CATSPER3: variants seen among roughly 807,000 people sequenced by gnomAD.
CATSPER3 encodes cation channel sperm associated 3, also known as cation channel sperm-associated protein 3.
CATSPER3 carries 23 observed loss-of-function variants against 36.6 expected under a neutral mutation model. The observed-to-expected ratio is 0.63, with a 90% CI of 0.45 to 0.89. The LOEUF (loss-of-function observed/expected upper bound fraction) is 0.89, where lower values mean the gene tolerates loss of function less well. Among genes scored for constraint, CATSPER3 ranks in the 40% least tolerant of loss-of-function variants. The pLI is 0.00. For missense variants in CATSPER3, 474 were observed against 503.9 expected (o/e 0.94, Z 0.57); for synonymous variants, 172 against 184.1 (o/e 0.93, Z 0.53).
chr5:134,993,892 A>G (rs536163988), intron 2 of CATSPER3, among the ~76,000 whole-genome samples: 1 of 152,342 alleles, frequency 6.6e-6, no homozygotes, highest in Admixed American at 6.5e-5. Context: ...TGGGAGGCCA[A>G]TGCGGGCAGA....
chr5:135,010,028 G>A (rs1243778318), intron 6 of CATSPER3, among the ~76,000 whole-genome samples: 1 of 152,204 alleles, frequency 6.6e-6, no homozygotes, highest in Non-Finnish European at 1.5e-5. Flanking sequence ...AGCTTTGGGT[G>A]CTCTGCTGGG....
chr5:134,973,626 C>T (rs1355916445), intron 2 of CATSPER3, among the ~76,000 whole-genome samples: 1 of 152,078 alleles, frequency 6.6e-6, no homozygotes, highest in Admixed American at 6.5e-5. Context: ...GGGGTCATGT[C>T]AAAAGTCTCA....
At chr5:134,971,559 A>C (rs528110304) in intron 2 of CATSPER3, among the ~76,000 whole-genome samples, 1 of 152,290 alleles carries the variant, frequency 6.6e-6, no homozygotes, top group African/African-American at 2.4e-5. Context: ...AAAGAAACAG[A>C]GGGAAGCCAT....
chr5:134,971,002 T>C (rs889429862), intron 2 of CATSPER3, among the ~76,000 whole-genome samples: 35 of 151,914 alleles, frequency 2.3e-4, no homozygotes, highest in African/African-American at 7.5e-4. Flanking sequence ...CAGGCTGGAG[T>C]GCAGTGGCGC....
chr5:134,996,246 C>A (rs372004625), intron 2 of CATSPER3, 27 bp from the exon 3 acceptor site: 2 of 1,614,038 alleles, frequency 1.2e-6, no homozygotes, highest in Non-Finnish European at 1.7e-6. Context: ...CTCGATCTGA[C>A]TTCTCCAACC....
chr5:134,978,171 A>G (rs955179949), intron 2 of CATSPER3, among the ~76,000 whole-genome samples: 1 of 152,182 alleles, frequency 6.6e-6, no homozygotes, highest in Non-Finnish European at 1.5e-5. Flanking sequence ...GGGGAAGGAG[A>G]GGAGCAGAGG....
At chr5:134,977,711 C>T (rs905021332) in intron 2 of CATSPER3, among the ~76,000 whole-genome samples, 6 of 152,132 alleles carry the variant, frequency 3.9e-5, no homozygotes, top group African/African-American at 1.4e-4. Flanking sequence ...TACCATTTTC[C>T]CATATTAGTT....
At chr5:134,977,116 C>G (rs998037819) in intron 2 of CATSPER3, among the ~76,000 whole-genome samples, 5 of 152,340 alleles carry the variant, frequency 3.3e-5, no homozygotes, top group Non-Finnish European at 7.3e-5. Flanking sequence ...AGCTCCCTTT[C>G]AGTCATGCTA....
chr5:134,970,090 G>C lies in CATSPER3; in HGVS notation c.250G>C (p.Glu84Gln). ...DIRYRLFRLL[E>Q]FSEIFFVSIC... ...AAGGTACCGCTTGTTCAGACTTCTT[G>C]AGGTAAGCAGACAAAATGGGTCCAT... is the stretch of plus-strand genomic sequence containing the variant. The change falls in exon 2 of 8, where the codon GAG (glutamate) becomes CAG (glutamine). Residue 84 changes from glutamate (E) to glutamine (Q), a missense_variant and splice_region_variant. Transcript: ENST00000282611. 4 of 1,613,936 alleles carry C rather than the reference G, an allele frequency of 2.5e-6. No homozygotes were observed. Among genetic ancestry groups the C allele is most frequent in the Middle Eastern group, 1.7e-4 (1 of 6,060 alleles).
chr5:134,972,287 CA>C (rs2149545063), intron 2 of CATSPER3, among the ~76,000 whole-genome samples: 1 of 152,106 alleles, frequency 6.6e-6, no homozygotes, highest in South Asian at 2.1e-4. Context: ...CTTTGAAATC[CA>C]AAACACTTCT....
intron 3 of CATSPER3, among the ~76,000 whole-genome samples, chr5:134,997,133 T>C (rs1751960117): frequency 1.3e-5 from 2 of 152,346 alleles, no homozygotes; most frequent in South Asian, 4.2e-4. Flanking sequence ...TTCACCTAGC[T>C]CTGCACCCAG....
chr5:134,978,653 G>T (rs889300125), intron 2 of CATSPER3, among the ~76,000 whole-genome samples: 1 of 151,156 alleles, frequency 6.6e-6, no homozygotes, highest in Non-Finnish European at 1.5e-5. Context: ...GTAAAGACTG[G>T]AAAGGAAGAA....
At chr5:135,008,180 G>A (rs755169320) in intron 4 of CATSPER3, 41 bp downstream of exon 4, 1 of 1,550,764 alleles carries the variant, frequency 6.4e-7, no homozygotes, top group African/African-American at 1.4e-5. Context: ...GGGGCCTTAG[G>A]AAGGGACAGC....
chr5:134,969,545 AT>A (rs1751575746), intron 1 of CATSPER3: 1 of 265,382 alleles, frequency 3.8e-6, no homozygotes, highest in Non-Finnish European at 7.3e-6. Context: ...TTTGATGATT[AT>A]CAGTTTTGCT....
intron 2 of CATSPER3, among the ~76,000 whole-genome samples, chr5:134,992,639 C>T (rs1358745582): frequency 6.6e-6 from 1 of 152,060 alleles, no homozygotes; most frequent in Admixed American, 6.5e-5. Context: ...GCAGGAGAAT[C>T]ACTTGAACCT....
chr5:135,002,744 T>C (rs1247988401), intron 3 of CATSPER3, among the ~76,000 whole-genome samples: 1 of 152,252 alleles, frequency 6.6e-6, no homozygotes. Flanking sequence ...GTTGATTGAA[T>C]CGGCTACTGA....
chr5:135,004,975 T>C (rs984608956), intron 3 of CATSPER3, among the ~76,000 whole-genome samples: 4 of 151,960 alleles, frequency 2.6e-5, no homozygotes, highest in African/African-American at 7.3e-5. Context: ...AACTGTGGAA[T>C]GAGGGTGCCA....
At chr5:135,001,007 T>C (rs1450618862) in intron 3 of CATSPER3, among the ~76,000 whole-genome samples, 4 of 152,332 alleles carry the variant, frequency 2.6e-5, no homozygotes, top group Admixed American at 6.5e-5. Context: ...GTTTTTTTAA[T>C]TGTGATGTTA....
intron 2 of CATSPER3, among the ~76,000 whole-genome samples, chr5:134,979,354 C>G (rs917408833): frequency 6.6e-6 from 1 of 152,152 alleles, no homozygotes; most frequent in African/African-American, 2.4e-5. Flanking sequence ...CCAGGCTGGT[C>G]TCAGACTCCT....
Sources: gnomAD v4.1 joint callset for allele counts (sites outside exome capture counted in the v4.1 genomes callset) on GRCh38, gnomAD v4.1.1 for gene constraint, MANE v1.5 for transcripts, NCBI Gene and HGNC (gene_info 2026-07-23, HGNC 2026-07-21) for gene names.